Variants in MFN2 observed in about 807,000 individuals in gnomAD.
MFN2 encodes mitofusin-2.
A neutral mutation model predicts 87.5 loss-of-function variants in MFN2; 43 were observed. The observed-to-expected ratio is 0.49, with a 90% confidence interval of 0.38 to 0.63. The LOEUF (loss-of-function observed/expected upper bound fraction) is 0.63, where lower values mean the gene tolerates loss of function less well. Ranked by LOEUF, MFN2 falls within the 30% of genes least tolerant of loss-of-function variation. The probability of loss-of-function intolerance (pLI) is 0.00; values close to 1 mark genes in which losing one functional copy is unlikely to be tolerated. For synonymous variants in MFN2, 337 were observed against 359.9 expected (o/e 0.94, Z 0.72); for missense variants, 743 against 972.8 (o/e 0.76, Z 3.14).
chr1:11,996,165 T>A lies in MFN2; in HGVS notation c.321T>A (p.Asn107Lys). The A allele has an allele frequency of 6.2e-7, 1 of 1,614,154 alleles. No homozygotes were observed. The highest frequency in any genetic ancestry group is 8.5e-7 in the Non-Finnish European group (1 of 1,180,030). The stretch of plus-strand genomic sequence containing the variant: ...TGTTACTTCCTTCTAGGACGAGCAA[T>A]GGGAAGAGCACCGTGATCAATGCCA... ...MKVAFFGRTS[N>K]GKSTVINAML... The change falls in exon 5 of 19, where the codon AAT (asparagine) becomes AAA (lysine). Residue 107 changes from asparagine (N) to lysine (K), a missense_variant. By Grantham distance (94) the Asn-to-Lys change is moderately conservative. Coordinates refer to ENST00000235329, the MANE Select transcript of MFN2 (RefSeq NM_014874.4).
intron 2 of MFN2, among the ~76,000 whole-genome samples, chr1:11,983,031 G>A (rs1646013345): frequency 1.3e-5 from 2 of 152,136 alleles, no homozygotes; most frequent in Non-Finnish European, 2.9e-5. Flanking sequence ...GAAAATGGTA[G>A]CATATGGTGT....
At chr1:12,009,516 T>C (rs1004388132) in intron 17 of MFN2, 76 bp from the exon 18 acceptor site, 2 of 1,603,326 alleles carry the variant, frequency 1.2e-6, no homozygotes, top group Non-Finnish European at 1.7e-6. Flanking sequence ...AGCTGCTCCC[T>C]ACTGTGGGTG....
intron 17 of MFN2, among the ~76,000 whole-genome samples, chr1:12,007,682 C>A (rs896050769): frequency 6.6e-6 from 1 of 152,118 alleles, no homozygotes; most frequent in Non-Finnish European, 1.5e-5. Flanking sequence ...TTGTGTGTGG[C>A]AGACCCTTTG....
At chr1:11,996,509 C>A (rs892373640) in intron 5 of MFN2, among the ~76,000 whole-genome samples, 191 bp downstream of exon 5, 3 of 152,154 alleles carry the variant, frequency 2.0e-5, no homozygotes, top group African/African-American at 7.2e-5. Context: ...TTTTCAGAAA[C>A]GTGGATCACC....
chr1:11,983,119 CGATCTTGCAGTGGCGT>C (rs1206625054), intron 2 of MFN2, among the ~76,000 whole-genome samples: 4 of 151,990 alleles, frequency 2.6e-5, no homozygotes, highest in South Asian at 2.1e-4. Flanking sequence ...TGCAGTGGCG[CGATCTTGCAGTGGCGT>C]GATCTTGGCT....
At chr1:12,009,941 G>A (rs559331723) in intron 18 of MFN2, among the ~76,000 whole-genome samples, 214 of 152,294 alleles carry the variant, frequency 1.4e-3, no homozygotes, top group Middle Eastern at 3.4e-3. Context: ...ATCACCTGAG[G>A]TCAGGAGTTT....
rs879254011 is a variant in MFN2, at chr1:12,002,034, G to A, written c.1091G>A (p.Arg364Gln). 6 of 1,614,182 alleles carry A rather than the reference G, an allele frequency of 3.7e-6. No individual in the cohort carries two copies. The highest frequency in any genetic ancestry group is 4.2e-6 in the Non-Finnish European group (5 of 1,180,040). ...VKTKFEQHTV[R>Q]AKQIAEAVRL... ...ACCAAGTTTGAGCAGCACACGGTCC[G>A]GGCCAAGCAGATTGCAGAGGCGGTT... The change falls in exon 11 of 19, where the codon CGG becomes CAG. Residue 364 changes from arginine to glutamine, a missense_variant. Physicochemically the swap from Arg to Gln is conservative, Grantham distance 43 (BLOSUM62 1). Transcript: ENST00000235329.
At chr1:11,994,615 A>G (rs76915280) in intron 4 of MFN2, among the ~76,000 whole-genome samples, 3,248 of 152,198 alleles carry the variant, frequency 0.021, 111 homozygotes, top group African/African-American at 0.073. Context: ...AATACAAGAA[A>G]AAAGGCATCT....
chr1:12,006,843 TC>T lies in MFN2; in HGVS notation c.1872+153del. 3 of 1,344,338 alleles carry T rather than the reference TC, an allele frequency of 2.2e-6. No individual in the cohort carries two copies. The East Asian group carries it at 7.0e-5, about 31-fold the overall frequency. 83.3% of individuals were successfully genotyped at this position (1,344,338 alleles called of 1,614,324 possible). A position where few individuals can be genotyped will look rare whatever the true frequency, so the allele number is the denominator to read the frequency against. On this transcript the variant is annotated intron_variant, in intron 16 of 18. Coordinates refer to ENST00000235329, the MANE Select transcript of MFN2 (RefSeq NM_014874.4). ...CTGTGATTGCATGGGGAGCGCTTAC[TC>T]CCTCACCAAGTTTCCCTCACTTCCT...
At position 12,001,951 on chromosome 1, in the gene MFN2, C is replaced by G. The variant is rs760473866; in HGVS notation, c.1039-31C>G. 1.7e-5 allele frequency: 27 copies of G among 1,614,022 alleles called. No individual in the cohort carries two copies. The Admixed American group carries it at 3.3e-4, about 20-fold the overall frequency. On this transcript the variant is annotated intron_variant, in intron 10 of 18. Coordinates refer to ENST00000235329, the MANE Select transcript of MFN2 (RefSeq NM_014874.4). ...CTTGGTTGTAGGCCCCTGGTGGCCCCCACCTCCCTCCGTGCCTCTGTGTGT... is the reference window on the plus strand; with the variant it reads ...CTTGGTTGTAGGCCCCTGGTGGCCCGCACCTCCCTCCGTGCCTCTGTGTGT...
At position 12,003,960 on chromosome 1, in the gene MFN2, A is replaced by C; in HGVS notation, c.1161-32A>C. 2 of 1,614,040 alleles carry C rather than the reference A, an allele frequency of 1.2e-6. No homozygotes were observed. The highest frequency in any genetic ancestry group is 1.7e-6 in the Non-Finnish European group (2 of 1,179,922). On this transcript the variant is annotated intron_variant, in intron 11 of 18. Transcript: ENST00000235329. The surrounding 1 kb of genome is among the most constrained non-coding windows in gnomAD (Gnocchi z 4.1). ...TGCTCCTCTGCTTAGTCAGACAGGA[A>C]CATGGATTTCTCACCAGTACTCTGC...
intron 8 of MFN2, among the ~76,000 whole-genome samples, chr1:12,000,716 T>C (rs1439150010): frequency 6.6e-6 from 1 of 152,222 alleles, no homozygotes; most frequent in African/African-American, 2.4e-5. Flanking sequence ...CCACTCCTTT[T>C]ATAAACAATG....
chr1:12,009,018 C>G (rs1033569059), intron 17 of MFN2, among the ~76,000 whole-genome samples: 2 of 152,204 alleles, frequency 1.3e-5, no homozygotes, highest in Non-Finnish European at 2.9e-5. Context: ...GCCAACACAG[C>G]GAAACCCCAT....
At chr1:12,000,496 G>A (rs1368222681) in intron 8 of MFN2, among the ~76,000 whole-genome samples, 1 of 152,198 alleles carries the variant, frequency 6.6e-6, no homozygotes, top group African/African-American at 2.4e-5. Flanking sequence ...GCTTGTGACT[G>A]ACACTAGGCA....
chr1:12,000,352 G>A (rs1403612233), intron 8 of MFN2, among the ~76,000 whole-genome samples: 1 of 151,918 alleles, frequency 6.6e-6, no homozygotes, highest in African/African-American at 2.4e-5. Context: ...ACCACACCTG[G>A]CTAATTTTTG....
Position 12,004,189 on chromosome 1 carries a change from C to G in MFN2, c.1287+71C>G, listed in dbSNP as rs971392540. ...TAGAGTCCAGAAGAAAGCAGACCTC[C>G]TCCTCTTAGGGACTTCTCAGCCTTT... On this transcript the variant is annotated intron_variant, in intron 12 of 18. Coordinates refer to ENST00000235329, the MANE Select transcript of MFN2 (RefSeq NM_014874.4). The surrounding 1 kb of genome is among the most constrained non-coding windows in gnomAD (Gnocchi z 4.2). 8 of 1,592,438 alleles carry G rather than the reference C, an allele frequency of 5.0e-6. No homozygotes were observed. Among genetic ancestry groups the G allele is most frequent in the East Asian group, 2.2e-5 (1 of 44,630 alleles).
In MFN2 at chr1:12,002,051, G is replaced by A; in HGVS notation, c.1108G>A (p.Glu370Lys). Residue 370 changes from glutamate (E) to lysine (K), a missense_variant, in exon 11 of 19, where the codon GAG becomes AAG. Coordinates refer to ENST00000235329, the MANE Select transcript of MFN2 (RefSeq NM_014874.4). ...CACGGTCCGGGCCAAGCAGATTGCA[G>A]AGGCGGTTCGACTCATCATGGACTC... ...QHTVRAKQIA[E>K]AVRLIMDSLH... 6.2e-7 allele frequency: 1 copy of A among 1,614,246 alleles called. No homozygotes were observed. Among genetic ancestry groups the A allele is most frequent in the South Asian group, 1.1e-5 (1 of 91,086 alleles).
intron 5 of MFN2, among the ~76,000 whole-genome samples, chr1:11,997,050 A>G (rs1374487579): frequency 2.0e-5 from 3 of 152,146 alleles, no homozygotes; most frequent in Non-Finnish European, 4.4e-5. Context: ...AAAAAAAAAA[A>G]AAAAAAAGAA....
intron 5 of MFN2, among the ~76,000 whole-genome samples, chr1:11,996,790 C>G (rs1638926527): frequency 1.3e-5 from 2 of 152,174 alleles, no homozygotes; most frequent in Admixed American, 1.3e-4. Context: ...GTAATCCCAG[C>G]ACTTTGGGAG....
Sources: allele counts gnomAD v4.1 joint callset (sites outside exome capture counted in the v4.1 genomes callset), GRCh38; gene constraint gnomAD v4.1.1; non-coding constraint Gnocchi (gnomAD v3.1); transcripts MANE v1.5; gene names NCBI Gene and HGNC (gene_info 2026-07-23, HGNC 2026-07-21).